The following FBLN2 variants were observed in gnomAD, a reference collection of about 807,000 sequenced individuals.
FBLN2 encodes fibulin 2, also known as fibulin-2.
FBLN2 carries 81 observed loss-of-function variants against 123.7 expected under a neutral mutation model. The ratio of observed to expected loss-of-function variants is 0.65; its 90% CI spans 0.55 to 0.79. The LOEUF is 0.79. Among genes scored for constraint, FBLN2 ranks in the 30% least tolerant of loss-of-function variants. FBLN2 has a pLI of 0.00. For missense variants in FBLN2, 1,603 were observed against 1,681.3 expected, an observed-to-expected ratio of 0.95 and a Z score of 0.81; for synonymous variants, 699 against 701.4, an observed-to-expected ratio of 1.00 and a Z score of 0.05.
In FBLN2 at chr3:13,637,865, C is replaced by T. The variant is rs754377477; in HGVS notation, c.3642C>T (p.Ser1214=). The T allele has an allele frequency of 5.6e-5, 90 of 1,610,454 alleles. No individual in the cohort carries two copies. The highest frequency in any genetic ancestry group is 6.7e-5 in the Admixed American group (4 of 59,874). ...AGATGAAGCTCTGGAGGCAGGGCTC[C>T]GTCACCACCTTCCTGGCCAAGATGC... The part of the protein sequence containing the change: ...DVEMKLWRQG[S]VTTFLAKMHI... The change falls in exon 18 of 18, where the codon TCC becomes TCT. Residue 1214 remains serine, a synonymous_variant. Transcript: ENST00000404922.
chr3:13,554,617 G>T (rs1703414977), intron 1 of FBLN2, among the ~76,000 whole-genome samples: 1 of 17,800 alleles, frequency 5.6e-5, no homozygotes, highest in Non-Finnish European at 1.2e-4. Context: ...GGTGGTTGGT[G>T]TTGGCTGAGC....
chr3:13,617,095 C>T (rs150801113), intron 5 of FBLN2, among the ~76,000 whole-genome samples: 126 of 152,224 alleles, frequency 8.3e-4, no homozygotes, highest in Non-Finnish European at 1.6e-3. Flanking sequence ...CTGATGGGTT[C>T]ATTCTTACTG....
chr3:13,563,148 A>C (rs1373972690), intron 1 of FBLN2, among the ~76,000 whole-genome samples: 2 of 152,224 alleles, frequency 1.3e-5, no homozygotes, highest in Non-Finnish European at 2.9e-5. Context: ...TCTCAGGCCC[A>C]CTAATAAATT....
intron 5 of FBLN2, among the ~76,000 whole-genome samples, chr3:13,614,973 TATCCATCCATCC>T (rs56688853): frequency 1.2e-3 from 172 of 143,330 alleles, no homozygotes; most frequent in African/African-American, 2.6e-3. Flanking sequence ...TCCATCTGCT[TATCCATCCATCC>T]ATCCATCCAT....
chr3:13,617,143 A>ATCCATCCATCCATCCATCCATCCATCC, intron 5 of FBLN2, among the ~76,000 whole-genome samples: 1 of 134,636 alleles, frequency 7.4e-6, no homozygotes, highest in South Asian at 2.1e-4. Flanking sequence ...TCCATTCATC[A>ATCCATCCATCCATCCATCCATCCATCC]ATCCATCCAT....
chr3:13,631,188 C>A (rs575391352), intron 15 of FBLN2, 141 bp from the exon 16 acceptor site: 2 of 1,124,870 alleles, frequency 1.8e-6, no homozygotes, highest in Non-Finnish European at 2.5e-6. Flanking sequence ...GGGCAACTCT[C>A]TTCTACTCTC....
intron 2 of FBLN2, 54 bp downstream of exon 2, chr3:13,571,715 G>T: frequency 6.8e-7 from 1 of 1,473,534 alleles, no homozygotes. Context: ...GGGCAGCCTT[G>T]GGCTCTGGCC....
chr3:13,627,870 C>G lies in FBLN2; in HGVS notation c.2470C>G (p.Pro824Ala), dbSNP rs976819035. 6.2e-7 allele frequency: 1 copy of G among 1,613,772 alleles called. No homozygotes were observed. ...TGCGATGGGCACGCACACCTGCCAGCCGGGCTTCTTGTGCCAGAACACCAA... is the reference window on the plus strand; with the variant it reads ...TGCGATGGGCACGCACACCTGCCAGGCGGGCTTCTTGTGCCAGAACACCAA... ...ECAMGTHTCQ[P>A]GFLCQNTKGS... Residue 824 changes from proline (P) to alanine (A), a missense_variant, in exon 11 of 18, where the codon CCG becomes GCG. Physicochemically the swap from Pro to Ala is conservative, Grantham distance 27. Transcript: ENST00000404922.
chr3:13,571,836 C>T (rs1340786591), intron 2 of FBLN2, among the ~76,000 whole-genome samples, 175 bp downstream of exon 2: 2 of 151,920 alleles, frequency 1.3e-5, no homozygotes, highest in Non-Finnish European at 2.9e-5. Context: ...TGCATCTTCT[C>T]CCAGGCCCAG....
At chr3:13,581,921 G>C (rs1168855447) in intron 2 of FBLN2, among the ~76,000 whole-genome samples, 2 of 152,092 alleles carry the variant, frequency 1.3e-5, no homozygotes, top group East Asian at 3.9e-4. Flanking sequence ...TGTGTTTTCT[G>C]CTTGGGTCCT....
rs575263965 is a variant in FBLN2, at chr3:13,573,292, G to T, written c.1306+1631G>T. 4.0e-5 allele frequency among the ~76,000 whole-genome samples: 6 copies of T among 151,622 alleles called. No homozygotes were observed. In the South Asian group the frequency reaches 1.3e-3, roughly 32 times the overall value. ...GGCCTTTGCACGTGCTGTTTCCCCCGCCTGGAGCACCCCCTTCTCACCACT... is the reference window on the plus strand; with the variant it reads ...GGCCTTTGCACGTGCTGTTTCCCCCTCCTGGAGCACCCCCTTCTCACCACT... On this transcript the variant is annotated intron_variant, in intron 2 of 17. Transcript: ENST00000404922.
chr3:13,614,011 C>T lies in FBLN2; in HGVS notation c.1576C>T (p.Leu526Phe), dbSNP rs1705491377. ...ATGCTGTGACTGCTGTGGCCTGGGC[C>T]TCCGCGTGCGGGCCGAGGGCCAGTC... ...KQCCDCCGLG[L>F]RVRAEGQSCE... Residue 526 changes from leucine to phenylalanine, a missense_variant, in exon 5 of 18, where the codon CTC becomes TTC. Physicochemically the swap from Leu to Phe is conservative, Grantham distance 22. Coordinates refer to ENST00000404922, the MANE Select transcript of FBLN2 (RefSeq NM_001004019.2). The T allele has an allele frequency of 6.2e-7, 1 of 1,613,028 alleles. No homozygotes were observed. Among genetic ancestry groups the T allele is most frequent in the Non-Finnish European group, 8.5e-7 (1 of 1,179,852 alleles).
intron 2 of FBLN2, among the ~76,000 whole-genome samples, chr3:13,606,026 C>G (rs1488009509): frequency 1.3e-5 from 2 of 152,128 alleles, no homozygotes; most frequent in Non-Finnish European, 2.9e-5. Context: ...CTCCCCATCC[C>G]TGGGCTCAAG....
chr3:13,616,169 C>A (rs1705596843), intron 5 of FBLN2, among the ~76,000 whole-genome samples: 1 of 152,158 alleles, frequency 6.6e-6, no homozygotes, highest in Non-Finnish European at 1.5e-5. Context: ...TAAGTCCAGT[C>A]CAAGGAAGTG....
At chr3:13,586,546 G>A (rs1278021927) in intron 2 of FBLN2, among the ~76,000 whole-genome samples, 21 of 149,152 alleles carry the variant, frequency 1.4e-4, no homozygotes, top group African/African-American at 5.0e-4. Context: ...CACCCAGGCT[G>A]GAGTGCAGTG....
chr3:13,603,685 T>C (rs1177484781), intron 2 of FBLN2, among the ~76,000 whole-genome samples: 4 of 152,176 alleles, frequency 2.6e-5, no homozygotes, highest in South Asian at 2.1e-4. Flanking sequence ...TGAATAGTGC[T>C]GCAGTAAATA....
intron 2 of FBLN2, among the ~76,000 whole-genome samples, chr3:13,595,949 G>C (rs748644711): frequency 2.0e-5 from 3 of 152,170 alleles, no homozygotes; most frequent in Non-Finnish European, 2.9e-5. Flanking sequence ...CCAGTTTCTT[G>C]GGTATCCTTC....
At chr3:13,589,815 G>A (rs1218105069) in intron 2 of FBLN2, among the ~76,000 whole-genome samples, 1 of 152,100 alleles carries the variant, frequency 6.6e-6, no homozygotes, top group African/African-American at 2.4e-5. Flanking sequence ...GTCTAATCAA[G>A]GATGATTAGA....
intron 2 of FBLN2, among the ~76,000 whole-genome samples, chr3:13,583,076 G>A (rs1202515647): frequency 3.3e-5 from 5 of 152,246 alleles, no homozygotes; most frequent in South Asian, 2.1e-4. Context: ...TGCCAACTGC[G>A]TCAGCAAACG....
Sources: allele counts gnomAD v4.1 joint callset (sites outside exome capture counted in the v4.1 genomes callset), GRCh38; gene constraint gnomAD v4.1.1; transcripts MANE v1.5; gene names NCBI Gene and HGNC (gene_info 2026-07-23, HGNC 2026-07-21).